COL21A1: variants seen among roughly 807,000 people sequenced by gnomAD.
The protein encoded by COL21A1 is collagen alpha-1(XXI) chain.
In COL21A1, 149 loss-of-function variants were observed where a neutral mutation model predicts 137.9. The ratio of observed to expected loss-of-function variants is 1.08; its 90% confidence interval spans 0.95 to 1.24. The LOEUF (loss-of-function observed/expected upper bound fraction) is 1.24. Among genes scored for constraint, COL21A1 ranks in the 50% most tolerant of loss-of-function variants. COL21A1 has a pLI of 0.00. For synonymous variants in COL21A1, 456 were observed against 391.5 expected, an observed-to-expected ratio of 1.16 and a Z score of -1.95; for missense variants, 1,167 against 1,158.4, an observed-to-expected ratio of 1.01 and a Z score of -0.11.
At chr6:56,107,776 G>C (rs555472715) in intron 16 of COL21A1, among the ~76,000 whole-genome samples, 1 of 152,104 alleles carries the variant, frequency 6.6e-6, no homozygotes, top group Non-Finnish European at 1.5e-5. Context: ...TCCAAAGGAG[G>C]AAAACCTTTA....
intron 3 of COL21A1, among the ~76,000 whole-genome samples, chr6:56,173,547 G>A (rs1290451641): frequency 1.3e-5 from 2 of 152,118 alleles, no homozygotes; most frequent in Non-Finnish European, 2.9e-5. Flanking sequence ...GCAAATGGTA[G>A]CCAAAAGACA....
chr6:56,352,794 C>G (rs912824984), intron 1 of COL21A1, among the ~76,000 whole-genome samples: 6 of 152,170 alleles, frequency 3.9e-5, no homozygotes, highest in African/African-American at 1.4e-4. Context: ...AATCCCAGCA[C>G]TTTGGGAGGC....
At chr6:56,166,086 T>C (rs545589707) in intron 7 of COL21A1, among the ~76,000 whole-genome samples, 3 of 152,168 alleles carry the variant, frequency 2.0e-5, no homozygotes, top group South Asian at 2.1e-4. Context: ...ACAAGAAAAG[T>C]ATCTATTCAT....
intron 21 of COL21A1, 105 bp from the exon 22 acceptor site, chr6:56,069,222 A>C: frequency 1.6e-6 from 1 of 624,708 alleles, no homozygotes; most frequent in Non-Finnish European, 2.7e-6. Flanking sequence ...TGGTTAAAAA[A>C]ATGTATTGAC....
intron 1 of COL21A1, among the ~76,000 whole-genome samples, chr6:56,330,540 A>G (rs918187829): frequency 6.6e-6 from 1 of 152,094 alleles, no homozygotes; most frequent in African/African-American, 2.4e-5. Context: ...TTAGGGTTGC[A>G]AGGGCAGTGT....
In COL21A1 at chr6:56,070,691, G is replaced by A. The variant is rs1403747326; in HGVS notation, c.2019+54C>T. 4.3e-6 allele frequency: 5 copies of A among 1,176,226 alleles called. No individual in the cohort carries two copies. In the East Asian group the frequency reaches 7.8e-5, roughly 18 times the overall value. The allele number at this position is 1,176,226 out of a possible 1,614,324, so 72.9% of individuals were successfully genotyped here. The stretch of plus-strand genomic sequence containing the variant: ...AAATGTTAATTTTCTTAAATAATGA[G>A]GGGAATTTACATTATAATTTCTTTG... On this transcript the variant is annotated intron_variant, in intron 21 of 29. Coordinates refer to ENST00000244728, the MANE Select transcript of COL21A1 (RefSeq NM_030820.4).
chr6:56,170,790 C>T lies in COL21A1; in HGVS notation c.885G>A (p.Trp295Ter). The T allele has an allele frequency of 1.2e-6, 2 of 1,609,564 alleles. No homozygotes were observed. Among genetic ancestry groups the T allele is most frequent in the Non-Finnish European group, 1.7e-6 (2 of 1,177,236 alleles). ...CAATAGTTAATATTCTCCATAAATCCCAAATTTTCTTGACTTTAAATCTTT... is the reference window on the plus strand; with the variant it reads ...CAATAGTTAATATTCTCCATAAATCTCAAATTTTCTTGACTTTAAATCTTT... The part of the protein sequence containing the change: ...STQRFKVKKI[W>*]DLWRILTIDG... The change falls in exon 5 of 30, where the codon TGG becomes TGA. Residue 295 changes from tryptophan to a stop codon, truncating the protein, a stop_gained. Coordinates refer to ENST00000244728, the MANE Select transcript of COL21A1 (RefSeq NM_030820.4). LOFTEE classifies it high-confidence loss of function.
At chr6:56,143,191 C>T (rs913278162) in intron 10 of COL21A1, among the ~76,000 whole-genome samples, 1 of 147,602 alleles carries the variant, frequency 6.8e-6, no homozygotes, top group Admixed American at 6.8e-5. Context: ...AATGACTATA[C>T]AATTTTTCTT....
intron 17 of COL21A1, among the ~76,000 whole-genome samples, chr6:56,081,536 T>C (rs934958579): frequency 1.3e-5 from 2 of 149,142 alleles, no homozygotes; most frequent in African/African-American, 4.9e-5. Flanking sequence ...AACCCTGCAA[T>C]GTTTTTCAAT....
At chr6:56,124,185 A>G in intron 15 of COL21A1, 54 bp downstream of exon 15, 1 of 1,542,956 alleles carries the variant, frequency 6.5e-7, no homozygotes, top group Non-Finnish European at 8.8e-7. Flanking sequence ...CAGATACTAT[A>G]AGATAGATTT....
At chr6:56,064,681 T>C in intron 23 of COL21A1, 59 bp from the exon 24 acceptor site, 1 of 1,141,548 alleles carries the variant, frequency 8.8e-7, no homozygotes, top group South Asian at 1.4e-5. Flanking sequence ...CAATCACATA[T>C]GCAATACAAA....
At chr6:56,241,238 C>T (rs189319017) in intron 1 of COL21A1, among the ~76,000 whole-genome samples, 1 of 152,154 alleles carries the variant, frequency 6.6e-6, no homozygotes. Context: ...TATAAATAGA[C>T]AGAGAGCTTG....
Position 56,141,781 on chromosome 6 carries a change from T to C in COL21A1, c.1542+4A>G, listed in dbSNP as rs1392502709. 1.2e-6 allele frequency: 2 copies of C among 1,613,564 alleles called. No homozygotes were observed. The highest frequency in any genetic ancestry group is 2.7e-5 in the African/African-American group (2 of 74,912). On this transcript the variant is annotated splice_donor_region_variant and intron_variant, in intron 12 of 29. Coordinates refer to ENST00000244728, the MANE Select transcript of COL21A1 (RefSeq NM_030820.4). Reference sequence around the variant, plus strand: ...CCATTGATTGCATTTTTGTGTGTGTTTACCTTGTCACCATCTCGCCCTGGT... The same window carrying C: ...CCATTGATTGCATTTTTGTGTGTGTCTACCTTGTCACCATCTCGCCCTGGT...
chr6:56,259,029 A>G (rs1387856527), intron 1 of COL21A1, among the ~76,000 whole-genome samples: 1 of 152,192 alleles, frequency 6.6e-6, no homozygotes, highest in African/African-American at 2.4e-5. Context: ...CTTGTATCCC[A>G]AACTTATTTG....
intron 1 of COL21A1, among the ~76,000 whole-genome samples, chr6:56,267,616 C>T (rs1763420953): frequency 6.6e-6 from 1 of 151,964 alleles, no homozygotes; most frequent in Non-Finnish European, 1.5e-5. Flanking sequence ...AACAGCCAGG[C>T]ATGGTGGCAG....
At chr6:56,276,435 T>C in intron 1 of COL21A1, 1 of 592,346 alleles carries the variant, frequency 1.7e-6, no homozygotes, top group Non-Finnish European at 2.9e-6. Flanking sequence ...TTTTTTAAAG[T>C]CAACAAAAGT....
At chr6:56,327,989 C>G (rs1476812672) in intron 1 of COL21A1, among the ~76,000 whole-genome samples, 1 of 152,044 alleles carries the variant, frequency 6.6e-6, no homozygotes, top group South Asian at 2.1e-4. Flanking sequence ...GTAGCTATTT[C>G]GTGGATATAA....
chr6:56,323,172 T>C (rs1274340670), intron 1 of COL21A1, among the ~76,000 whole-genome samples: 1 of 152,150 alleles, frequency 6.6e-6, no homozygotes, highest in East Asian at 1.9e-4. Context: ...GAATAAAAAC[T>C]AAAAATAAAT....
intron 1 of COL21A1, among the ~76,000 whole-genome samples, chr6:56,236,572 A>G (rs539183696): frequency 4.6e-5 from 7 of 152,190 alleles, no homozygotes; most frequent in African/African-American, 1.7e-4. Context: ...CATGCTTCAA[A>G]AGGCTGGGTC....
Sources: gnomAD v4.1 joint callset for allele counts (sites outside exome capture counted in the v4.1 genomes callset) on GRCh38, gnomAD v4.1.1 for gene constraint, MANE v1.5 for transcripts, NCBI Gene and HGNC (gene_info 2026-07-23, HGNC 2026-07-21) for gene names.